The following TLN2 variants were observed in gnomAD, a reference collection of about 807,000 sequenced individuals.
TLN2 encodes talin-2.
In TLN2, 118 loss-of-function variants were observed where a neutral mutation model predicts 294.7. The ratio of observed to expected loss-of-function variants is 0.40; its 90% CI spans 0.34 to 0.47. The LOEUF (loss-of-function observed/expected upper bound fraction) is 0.47, where lower values mean the gene tolerates loss of function less well. TLN2 is among the 20% of genes least tolerant of loss of function. The pLI is 0.84. For synonymous variants in TLN2, 1,431 were observed against 1,304.5 expected (o/e 1.10, Z -2.09); for missense variants, 3,083 against 3,282.2 (o/e 0.94, Z 1.48).
intron 1 of TLN2, among the ~76,000 whole-genome samples, chr15:62,562,014 C>T (rs993955215): frequency 2.6e-5 from 4 of 152,180 alleles, no homozygotes; most frequent in Admixed American, 2.6e-4. Context: ...ACCTTTGCTT[C>T]TTTTTCCTTT....
chr15:62,728,559 C>T (rs1313466494), intron 28 of TLN2, among the ~76,000 whole-genome samples: 1 of 152,180 alleles, frequency 6.6e-6, no homozygotes, highest in Admixed American at 6.5e-5. Flanking sequence ...CTATCCTTGT[C>T]ACCACTTTGT....
chr15:62,656,114 G>A, intron 8 of TLN2, 28 bp downstream of exon 8: 1 of 1,606,412 alleles, frequency 6.2e-7, no homozygotes, highest in South Asian at 1.1e-5. Flanking sequence ...CAGACACTGA[G>A]GTTGGTGAGA....
At position 62,567,959 on chromosome 15, in the gene TLN2, C is replaced by A. The variant is rs188421688; in HGVS notation, c.-237-21728C>A. 6.6e-4 allele frequency among the ~76,000 whole-genome samples: 100 copies of A among 152,280 alleles called. 1 individual carries two copies. In the East Asian group the frequency reaches 0.018, roughly 27 times the overall value. ...TTTTGGTTTAGGACCTCCAGAATTCCCTCTTCCCGTTCCCCCTGTAATCTG... is the reference window on the plus strand; with the variant it reads ...TTTTGGTTTAGGACCTCCAGAATTCACTCTTCCCGTTCCCCCTGTAATCTG... On this transcript the variant is annotated intron_variant, in intron 1 of 58. Transcript: ENST00000636159.
chr15:62,729,114 T>G (rs1436545417), intron 28 of TLN2, among the ~76,000 whole-genome samples: 2 of 152,230 alleles, frequency 1.3e-5, no homozygotes, highest in Non-Finnish European at 2.9e-5. Flanking sequence ...CCCAATGATC[T>G]TTAGTGTCAC....
At chr15:62,763,488 G>T in intron 39 of TLN2, 75 bp from the exon 40 acceptor site, 1 of 1,511,370 alleles carries the variant, frequency 6.6e-7, no homozygotes, top group African/African-American at 1.4e-5. Flanking sequence ...AGGGATCCTG[G>T]CCCACCAGTG....
intron 22 of TLN2, among the ~76,000 whole-genome samples, chr15:62,713,305 TTAAG>T (rs2059548374): frequency 2.0e-5 from 3 of 149,844 alleles, no homozygotes; most frequent in Admixed American, 6.7e-5. Context: ...AATAGATTCA[TTAAG>T]TGTCTCCACA....
intron 3 of TLN2, among the ~76,000 whole-genome samples, chr15:62,630,990 T>G (rs6494331): frequency 0.98 from 149,750 of 152,236 alleles, 73,682 homozygotes; most frequent in Non-Finnish European, 1. Context: ...ACTTAAAAGA[T>G]TTTTTCATTT....
chr15:62,617,694 A>ACTT, intron 2 of TLN2, among the ~76,000 whole-genome samples: 1 of 152,340 alleles, frequency 6.6e-6, no homozygotes, highest in East Asian at 1.9e-4. Context: ...AGTGTCTGCT[A>ACTT]CACTGAATGG....
At chr15:62,810,478 C>G (rs1292342249) in intron 52 of TLN2, among the ~76,000 whole-genome samples, 1 of 152,136 alleles carries the variant, frequency 6.6e-6, no homozygotes, top group Non-Finnish European at 1.5e-5. Context: ...AGTGACCCAC[C>G]AGCCCTTCAC....
chr15:62,716,622 G>GA (rs2059789308), intron 23 of TLN2, among the ~76,000 whole-genome samples, 163 bp downstream of exon 23: 1 of 152,176 alleles, frequency 6.6e-6, no homozygotes, highest in Non-Finnish European at 1.5e-5. Context: ...GACTCAATTG[G>GA]AAAAAACTGC....
intron 1 of TLN2, among the ~76,000 whole-genome samples, chr15:62,567,408 C>T (rs985471546): frequency 1.3e-5 from 2 of 152,074 alleles, no homozygotes; most frequent in Admixed American, 1.3e-4. Flanking sequence ...TTGCACTGAC[C>T]GAAAAATAGT....
chr15:62,513,538 A>G (rs1243526816), intron 1 of TLN2, among the ~76,000 whole-genome samples: 3 of 152,106 alleles, frequency 2.0e-5, no homozygotes, highest in Non-Finnish European at 1.5e-5. Context: ...CAGTGGAGGG[A>G]GTGTATCCCA....
rs780138844 is a variant in TLN2, at chr15:62,820,556, C to A, written c.6948C>A (p.Ser2316=). 3.1e-6 allele frequency: 5 copies of A among 1,613,900 alleles called. No homozygotes were observed. The highest frequency in any genetic ancestry group is 4.2e-6 in the Non-Finnish European group (5 of 1,179,914). The change falls in exon 54 of 59, where the codon TCC becomes TCA. Residue 2316 remains serine, a synonymous_variant. Coordinates refer to ENST00000636159, the MANE Select transcript of TLN2 (RefSeq NM_015059.3). ...CAGAGTTACTGGGGGCTGCAGCATC[C>A]ATCGAAGCTGCTGCTAAGAAGTTAG... ...AETELLGAAA[S]IEAAAKKLEQ...
In TLN2 at chr15:62,539,908, A is replaced by G. The variant is rs2041576549; in HGVS notation, c.-237-49779A>G. Among the ~76,000 whole-genome samples, 3 of 152,148 alleles carry G rather than the reference A, an allele frequency of 2.0e-5. No homozygotes were observed. The South Asian group carries it at 6.2e-4, about 32-fold the overall frequency. On this transcript the variant is annotated intron_variant, in intron 1 of 58. Transcript: ENST00000636159. ...TTTAGGCACAGGAGACCAAAAAAAA[A>G]AAAAAAGACTAAAAGTCAATTTTGA...
rs533438980 is a variant in TLN2 at position 62,841,799 on chromosome 15, A to T, written c.*1189A>T. ...AAGGGAAGGGCTTGAATTTACCCTT[A>T]ATCTGCACCTTTAGCCAAGGCAGTG... On this transcript the variant is annotated 3_prime_UTR_variant, in exon 59 of 59. Transcript: ENST00000636159. 6.6e-6 allele frequency: 1 copy of T among 152,124 alleles called. No homozygotes were observed. The highest frequency in any genetic ancestry group is 1.5e-5 in the Non-Finnish European group (1 of 68,018). The allele number at this position is 152,124 out of a possible 1,614,324, so 9.4% of individuals were successfully genotyped here.
intron 40 of TLN2, among the ~76,000 whole-genome samples, chr15:62,763,986 C>T (rs28361985): frequency 0.023 from 3,459 of 152,172 alleles, 119 homozygotes; most frequent in African/African-American, 0.071. Flanking sequence ...TTTAGGGGTA[C>T]GGTGGGTACC....
chr15:62,397,683 T>G (rs1392762989), intron 1 of TLN2, among the ~76,000 whole-genome samples: 1 of 152,192 alleles, frequency 6.6e-6, no homozygotes, highest in Non-Finnish European at 1.5e-5. Flanking sequence ...TGAGATTACA[T>G]CAGTGGTTCC....
At chr15:62,678,058 G>A (rs2056430539) in intron 11 of TLN2, among the ~76,000 whole-genome samples, 1 of 151,926 alleles carries the variant, frequency 6.6e-6, no homozygotes, top group Non-Finnish European at 1.5e-5. Context: ...GCCTCCCAAA[G>A]TGCTGGGATT....
chr15:62,553,321 C>T (rs989291099), intron 1 of TLN2, among the ~76,000 whole-genome samples: 1 of 152,028 alleles, frequency 6.6e-6, no homozygotes, highest in African/African-American at 2.4e-5. Flanking sequence ...GGTGAAACAC[C>T]ATCTCTACTA....
Sources: gnomAD v4.1 joint callset for allele counts (sites outside exome capture counted in the v4.1 genomes callset) on GRCh38, gnomAD v4.1.1 for gene constraint, MANE v1.5 for transcripts, NCBI Gene and HGNC (gene_info 2026-07-23, HGNC 2026-07-21) for gene names.